The following AGBL4 variants were observed in gnomAD, a reference collection of about 807,000 sequenced individuals.
AGBL4 encodes the protein cytosolic carboxypeptidase 6.
Under a neutral mutation model 66.4 loss-of-function variants are expected in AGBL4, and 58 were observed. That is an observed-to-expected ratio of 0.87 (90% CI 0.71 to 1.09). The LOEUF (loss-of-function observed/expected upper bound fraction) is 1.09. AGBL4 is among the 50% of genes least tolerant of loss of function. The pLI is 0.00. For missense variants in AGBL4, 579 were observed against 631.0 expected (o/e 0.92, Z 0.88); for synonymous variants, 234 against 222.9 (o/e 1.05, Z -0.44).
chr1:49,475,404 T>C (rs1257179925), intron 3 of AGBL4, among the ~76,000 whole-genome samples: 2 of 151,970 alleles, frequency 1.3e-5, no homozygotes, highest in Non-Finnish European at 2.9e-5. Context: ...TTTTTTGTTT[T>C]GTCTTTGCCA....
chr1:49,751,661 G>A (rs768965154), intron 2 of AGBL4, among the ~76,000 whole-genome samples: 9 of 152,096 alleles, frequency 5.9e-5, no homozygotes, highest in East Asian at 1.9e-4. Flanking sequence ...AATGGCACCC[G>A]CTCCTCTTTG....
At chr1:49,795,639 G>A (rs1024001775) in intron 2 of AGBL4, among the ~76,000 whole-genome samples, 1 of 151,948 alleles carries the variant, frequency 6.6e-6, no homozygotes, top group African/African-American at 2.4e-5. Context: ...GTGTGTGTGT[G>A]TATGTGTGTG....
chr1:49,069,266 T>G (rs935070505), intron 4 of AGBL4, among the ~76,000 whole-genome samples: 5 of 152,232 alleles, frequency 3.3e-5, no homozygotes, highest in African/African-American at 1.2e-4. Flanking sequence ...TTGGCTTTTG[T>G]TGCCATTGCT....
At chr1:49,315,140 G>T (rs1645016619) in intron 3 of AGBL4, among the ~76,000 whole-genome samples, 1 of 152,150 alleles carries the variant, frequency 6.6e-6, no homozygotes, top group Admixed American at 6.5e-5. Context: ...ACAAGCAATG[G>T]GGAAAGCTTT....
chr1:49,799,946 A>C (rs1193411394), intron 2 of AGBL4, among the ~76,000 whole-genome samples: 3 of 152,186 alleles, frequency 2.0e-5, no homozygotes, highest in Non-Finnish European at 2.9e-5. Context: ...AGAGGTTTGC[A>C]GGAAAAAGAA....
intron 6 of AGBL4, among the ~76,000 whole-genome samples, chr1:48,701,226 C>T (rs1646795121): frequency 6.6e-6 from 1 of 152,056 alleles, no homozygotes; most frequent in Admixed American, 6.5e-5. Flanking sequence ...CCCTTCAGAC[C>T]TCTCTTGCTT....
At position 49,178,813 on chromosome 1, in the gene AGBL4, C is replaced by T. The variant is rs1037349789; in HGVS notation, c.377+66957G>A. Among the ~76,000 whole-genome samples the T allele has an allele frequency of 3.3e-5, 5 of 152,038 alleles. No individual in the cohort carries two copies. In the South Asian group the frequency reaches 6.2e-4, roughly 19 times the overall value. ...GAGTGAATGCTCTGTGAATGTTTGT[C>T]GAATGAATTAATAAATGAATGAATA... On this transcript the variant is annotated intron_variant, in intron 4 of 13. Coordinates refer to ENST00000371839, the MANE Select transcript of AGBL4 (RefSeq NM_032785.4).
intron 1 of AGBL4, among the ~76,000 whole-genome samples, chr1:49,920,554 C>A (rs1571874333): frequency 6.6e-6 from 1 of 152,146 alleles, no homozygotes; most frequent in Non-Finnish European, 1.5e-5. Flanking sequence ...CCATCTCACA[C>A]CAGTTAGAAT....
chr1:50,010,194 C>A (rs1429690088), intron 1 of AGBL4, among the ~76,000 whole-genome samples: 2 of 151,816 alleles, frequency 1.3e-5, no homozygotes, highest in Non-Finnish European at 2.9e-5. Context: ...GTAGTCCCAG[C>A]TACTCGGGAG....
At chr1:48,672,396 C>T (rs1385008707) in intron 6 of AGBL4, among the ~76,000 whole-genome samples, 2 of 152,100 alleles carry the variant, frequency 1.3e-5, no homozygotes, top group East Asian at 3.9e-4. Flanking sequence ...GATGAGGGAG[C>T]CAAGATAAAA....
At chr1:49,962,990 C>T (rs1450356976) in intron 1 of AGBL4, among the ~76,000 whole-genome samples, 1 of 152,060 alleles carries the variant, frequency 6.6e-6, no homozygotes, top group Non-Finnish European at 1.5e-5. Flanking sequence ...TGACACCTTC[C>T]CCTGCACATC....
chr1:49,270,097 G>T (rs1256664243), intron 3 of AGBL4, among the ~76,000 whole-genome samples: 1 of 152,188 alleles, frequency 6.6e-6, no homozygotes, highest in African/African-American at 2.4e-5. Flanking sequence ...ATTAACGGGA[G>T]AAAAGGATTT....
At chr1:49,441,805 A>G (rs552236908) in intron 3 of AGBL4, among the ~76,000 whole-genome samples, 2 of 152,298 alleles carry the variant, frequency 1.3e-5, no homozygotes, top group African/African-American at 4.8e-5. Flanking sequence ...AGTGGATAGG[A>G]TGACCTGTTC....
At chr1:49,658,165 AAAAC>A (rs1264584352) in intron 3 of AGBL4, among the ~76,000 whole-genome samples, 2 of 152,126 alleles carry the variant, frequency 1.3e-5, no homozygotes, top group African/African-American at 4.8e-5. Flanking sequence ...TTACAAGAAA[AAAAC>A]AAACAACCCC....
intron 3 of AGBL4, among the ~76,000 whole-genome samples, chr1:49,603,619 C>G (rs1203041314): frequency 4.6e-5 from 7 of 151,864 alleles, no homozygotes; most frequent in African/African-American, 1.7e-4. Flanking sequence ...AGGAGGCAGG[C>G]CATTAAAAAT....
At chr1:49,994,434 A>G (rs1660203094) in intron 1 of AGBL4, 1 of 151,956 alleles carries the variant, frequency 6.6e-6, no homozygotes, top group African/African-American at 2.4e-5. Context: ...AACTGAGGGC[A>G]GAGGTGTGGT....
In AGBL4 at chr1:48,716,148, G is replaced by A. The variant is rs542870401; in HGVS notation, c.635-52907C>T. Among the ~76,000 whole-genome samples, 183 of 152,294 alleles carry A rather than the reference G, an allele frequency of 1.2e-3. 1 individual carries two copies. Among genetic ancestry groups the A allele is most frequent in the African/African-American group, 4.1e-3 (172 of 41,570 alleles). Reference sequence around the variant, plus strand: ...ATATTTAAAATACAAAGGAAGCTTGGAGTGGCAGCCACTCTGGTTGGCTCT... The same window carrying A: ...ATATTTAAAATACAAAGGAAGCTTGAAGTGGCAGCCACTCTGGTTGGCTCT... On this transcript the variant is annotated intron_variant, in intron 6 of 13. Transcript: ENST00000371839.
At chr1:48,778,127 A>G (rs1645182638) in intron 6 of AGBL4, among the ~76,000 whole-genome samples, 1 of 149,922 alleles carries the variant, frequency 6.7e-6, no homozygotes, top group South Asian at 2.1e-4. Flanking sequence ...AAGAATAAAT[A>G]AAAACCCACA....
At position 49,207,016 on chromosome 1, in the gene AGBL4, A is replaced by T. The variant is rs568478189; in HGVS notation, c.377+38754T>A. Reference sequence around the variant, plus strand: ...TGATTCCCCAATCTGGGGAGAGCTTATGATCTCAAGATGAATGCACTATTC... The same window carrying T: ...TGATTCCCCAATCTGGGGAGAGCTTTTGATCTCAAGATGAATGCACTATTC... On this transcript the variant is annotated intron_variant, in intron 4 of 13. Transcript: ENST00000371839. Among the ~76,000 whole-genome samples, 12 of 152,218 alleles carry T rather than the reference A, an allele frequency of 7.9e-5. No individual in the cohort carries two copies. The South Asian group carries it at 2.3e-3, about 29-fold the overall frequency.
Sources: allele counts gnomAD v4.1 joint callset (sites outside exome capture counted in the v4.1 genomes callset), GRCh38; gene constraint gnomAD v4.1.1; transcripts MANE v1.5; gene names NCBI Gene and HGNC (gene_info 2026-07-23, HGNC 2026-07-21).